Variants in FAF1 observed in about 807,000 individuals in gnomAD.
The protein encoded by FAF1 is Fas associated factor 1.
A neutral mutation model predicts 92.5 loss-of-function variants in FAF1; 25 were observed. The observed-to-expected ratio is 0.27, with a 90% CI of 0.20 to 0.38. FAF1 has a LOEUF of 0.38. Ranked by LOEUF, FAF1 falls within the 10% of genes least tolerant of loss-of-function variation. FAF1 has a pLI of 1.00. For synonymous variants in FAF1, 234 were observed against 273.2 expected (o/e 0.86, Z 1.42); for missense variants, 636 against 793.3 (o/e 0.80, Z 2.38).
intron 1 of FAF1, among the ~76,000 whole-genome samples, chr1:50,930,758 G>A (rs368598592): frequency 8.6e-4 from 131 of 152,204 alleles, no homozygotes; most frequent in African/African-American, 2.8e-3. Context: ...AGCCGAGATC[G>A]TGCCACTGCA....
chr1:50,442,329 G>A (rs1018333056), intron 18 of FAF1, among the ~76,000 whole-genome samples: 3 of 152,302 alleles, frequency 2.0e-5, no homozygotes, highest in South Asian at 2.1e-4. Flanking sequence ...TAGTGGAAAC[G>A]ACACAGGCTT....
chr1:50,868,119 C>A (rs1644497317), intron 1 of FAF1, among the ~76,000 whole-genome samples: 1 of 152,066 alleles, frequency 6.6e-6, no homozygotes, highest in South Asian at 2.1e-4. Flanking sequence ...TAAGTGGGAG[C>A]TAAGCTATGA....
chr1:50,850,086 A>C (rs1349959387), intron 2 of FAF1, among the ~76,000 whole-genome samples: 1 of 152,092 alleles, frequency 6.6e-6, no homozygotes, highest in Non-Finnish European at 1.5e-5. Context: ...GCTTTAAAGG[A>C]AAGATGAAAT....
intron 1 of FAF1, among the ~76,000 whole-genome samples, chr1:50,906,430 C>T (rs905577129): frequency 1.3e-5 from 2 of 152,088 alleles, no homozygotes; most frequent in Admixed American, 6.5e-5. Context: ...TCATTGGTGG[C>T]TTGATGGGGA....
intron 7 of FAF1, among the ~76,000 whole-genome samples, chr1:50,701,679 A>T (rs1350271304): frequency 6.6e-6 from 1 of 152,136 alleles, no homozygotes; most frequent in Non-Finnish European, 1.5e-5. Context: ...ATCATTATTT[A>T]GCCCAGATTA....
At position 50,819,704 on chromosome 1, in the gene FAF1, CAT is replaced by C. The variant is rs111794640; in HGVS notation, c.115-18029_115-18028del. Among the ~76,000 whole-genome samples the C allele has an allele frequency of 2.8e-3, 110 of 39,876 alleles. 4 individuals are homozygous for C. Among genetic ancestry groups the C allele is most frequent in the African/African-American group, 8.2e-3 (92 of 11,214 alleles). The allele number at this position is 39,876 out of a possible 152,430, so 26.2% of individuals were successfully genotyped here. On this transcript the variant is annotated intron_variant, in intron 2 of 18. Transcript: ENST00000396153. ...GTATATATATATACATATATATATACATATATATATACGTATATATATATACA... is the reference window on the plus strand; with the variant it reads ...GTATATATATATACATATATATATACATATATATACGTATATATATATACA...
rs141463702 is a variant in FAF1 at position 50,959,294 on chromosome 1, T to C, written c.45+473A>G. Among the ~76,000 whole-genome samples, 108 of 152,292 alleles carry C rather than the reference T, an allele frequency of 7.1e-4. 2 individuals are homozygous for C. The East Asian group carries it at 0.016, about 23-fold the overall frequency. On this transcript the variant is annotated intron_variant, in intron 1 of 18. Transcript: ENST00000396153. ...CTTTGAAAAGGACCTCAGTACCCCA[T>C]TGTCATTGCCCTCGCCATCTCATCA...
intron 6 of FAF1, among the ~76,000 whole-genome samples, chr1:50,734,762 A>T (rs2124479218): frequency 6.6e-6 from 1 of 152,058 alleles, no homozygotes; most frequent in African/African-American, 2.4e-5. Context: ...AAAGAAAAAC[A>T]CATGTAGTAG....
chr1:50,811,686 C>T (rs1425918970), intron 2 of FAF1, among the ~76,000 whole-genome samples: 1 of 152,168 alleles, frequency 6.6e-6, no homozygotes, highest in African/African-American at 2.4e-5. Context: ...CAAGGACATT[C>T]TTCACATAAT....
intron 1 of FAF1, among the ~76,000 whole-genome samples, chr1:50,949,717 T>C (rs1437984082): frequency 1.3e-5 from 2 of 152,234 alleles, no homozygotes; most frequent in Non-Finnish European, 2.9e-5. Context: ...CAGGCTGTAA[T>C]ATTCTGACCC....
At position 50,959,919 on chromosome 1, in the gene FAF1, GGGGCTGGCGGGCGAGCCGGC is replaced by G; in HGVS notation, c.-128_-109del. 1 of 657,180 alleles carries G rather than the reference GGGGCTGGCGGGCGAGCCGGC, an allele frequency of 1.5e-6. No homozygotes were observed. The highest frequency in any genetic ancestry group is 2.0e-6 in the Non-Finnish European group (1 of 492,676). The allele number at this position is 657,180 out of a possible 1,614,324, so 40.7% of individuals were successfully genotyped here. A position where few individuals can be genotyped will look rare whatever the true frequency, so the allele number is the denominator to read the frequency against. On this transcript the variant is annotated 5_prime_UTR_variant, in exon 1 of 19. Transcript: ENST00000396153. ...CGCCGCCGCCGCCGCCGGGCGCCGA[GGGGCTGGCGGGCGAGCCGGC>G]GGGCGGGTCGGCGGGCCAGCGGGCG...
At chr1:50,756,065 A>T (rs2124518312) in intron 4 of FAF1, among the ~76,000 whole-genome samples, 1 of 152,242 alleles carries the variant, frequency 6.6e-6, no homozygotes. Context: ...GCTCCTTATT[A>T]CTTATGCAAA....
chr1:50,480,050 T>C lies in FAF1; in HGVS notation c.1654-4371A>G, dbSNP rs544927130. 3.9e-5 allele frequency among the ~76,000 whole-genome samples: 6 copies of C among 152,358 alleles called. No homozygotes were observed. In the East Asian group the frequency reaches 1.2e-3, roughly 29 times the overall value. On this transcript the variant is annotated intron_variant, in intron 17 of 18. Coordinates refer to ENST00000396153, the MANE Select transcript of FAF1 (RefSeq NM_007051.3). ...GGTTAACACCAGTGTTAAACTTCAG[T>C]TTGATTTGCTCAACAAATATAGTTT...
At chr1:50,491,998 T>C (rs1646843965) in intron 15 of FAF1, among the ~76,000 whole-genome samples, 197 bp from the exon 16 acceptor site, 1 of 152,202 alleles carries the variant, frequency 6.6e-6, no homozygotes, top group African/African-American at 2.4e-5. Flanking sequence ...ATAAGAATGT[T>C]TGAATCCTAA....
At chr1:50,701,154 T>G (rs1557482788) in intron 7 of FAF1, among the ~76,000 whole-genome samples, 1 of 152,124 alleles carries the variant, frequency 6.6e-6, no homozygotes, top group African/African-American at 2.4e-5. Flanking sequence ...CTTGCTAAAA[T>G]GTCATTCGTG....
chr1:50,760,707 T>C (rs1660289966), intron 4 of FAF1, among the ~76,000 whole-genome samples: 1 of 152,122 alleles, frequency 6.6e-6, no homozygotes, highest in African/African-American at 2.4e-5. Context: ...GGGAAATTTA[T>C]AGCACTAAAT....
In FAF1 at chr1:50,819,703, A is replaced by G. The variant is rs532846110; in HGVS notation, c.115-18026T>C. ...TGTATATATATATACATATATATAT[A>G]CATATATATATACGTATATATATAT... On this transcript the variant is annotated intron_variant, in intron 2 of 18. Coordinates refer to ENST00000396153, the MANE Select transcript of FAF1 (RefSeq NM_007051.3). Among the ~76,000 whole-genome samples the G allele has an allele frequency of 5.3e-3, 280 of 52,428 alleles. 15 individuals carry two copies. Among genetic ancestry groups the G allele is most frequent in the African/African-American group, 0.018 (261 of 14,854 alleles). The allele number at this position is 52,428 out of a possible 152,430, so 34.4% of individuals were successfully genotyped here. A position where few individuals can be genotyped will look rare whatever the true frequency, so the allele number is the denominator to read the frequency against.
intron 6 of FAF1, among the ~76,000 whole-genome samples, chr1:50,732,805 T>A (rs1276853603): frequency 6.6e-6 from 1 of 152,200 alleles, no homozygotes; most frequent in Non-Finnish European, 1.5e-5. Context: ...CCTGTGTTTC[T>A]GTTTCAGTTT....
intron 8 of FAF1, among the ~76,000 whole-genome samples, chr1:50,619,114 G>C (rs1417042315): frequency 6.6e-6 from 1 of 152,128 alleles, no homozygotes. Context: ...CCTTTACTTT[G>C]AGACTGTGGG....
Sources: gnomAD v4.1 joint callset for allele counts (sites outside exome capture counted in the v4.1 genomes callset) on GRCh38, gnomAD v4.1.1 for gene constraint, MANE v1.5 for transcripts, NCBI Gene and HGNC (gene_info 2026-07-23, HGNC 2026-07-21) for gene names.